Variants in CHAC2 observed in about 807,000 individuals in gnomAD.
CHAC2 encodes the protein ChaC glutathione specific gamma-glutamylcyclotransferase 2, also known as glutathione-specific gamma-glutamylcyclotransferase 2.
Under a neutral mutation model 16.9 loss-of-function variants are expected in CHAC2, and 20 were observed. The ratio of observed to expected loss-of-function variants is 1.18; its 90% CI spans 0.83 to 1.72. The LOEUF (loss-of-function observed/expected upper bound fraction) is 1.72, where lower values mean the gene tolerates loss of function less well. Ranked by LOEUF, CHAC2 falls within the 40% of genes most tolerant of loss-of-function variation. The pLI, the probability that CHAC2 is intolerant of heterozygous loss-of-function variation, is 0.00. For synonymous variants in CHAC2, 91 were observed against 77.3 expected (o/e 1.18, Z -0.93); for missense variants, 269 against 222.2 (o/e 1.21, Z -1.34).
intron 1 of CHAC2, 80 bp downstream of exon 1, chr2:53,768,101 G>C: frequency 6.5e-7 from 1 of 1,527,400 alleles, no homozygotes; most frequent in South Asian, 1.2e-5. Flanking sequence ...CCACACCCTA[G>C]AGAACCACAC....
Position 53,768,009 on chromosome 2 carries a change from G to T in CHAC2, c.123G>T (p.Gly41=). The T allele has an allele frequency of 1.2e-6, 2 of 1,613,560 alleles. No individual in the cohort carries two copies. Among genetic ancestry groups the T allele is most frequent in the African/African-American group, 2.7e-5 (2 of 75,018 alleles). The part of the protein sequence containing the change: ...RFWQGSTDHR[G]VPGKPGRVVT... ...GGCAGGGCAGCACGGACCACCGCGG[G>T]GTCCCCGGCAAGGTGAGGCGCCGGT... The change falls in exon 1 of 3, where the codon GGG becomes GGT. Residue 41 remains glycine, a synonymous_variant. Coordinates refer to ENST00000295304, the MANE Select transcript of CHAC2 (RefSeq NM_001008708.4).
chr2:53,767,943 C>G lies in CHAC2; in HGVS notation c.57C>G (p.Asp19Glu), dbSNP rs746353771. ...GGAAGGTGGATTTCCCCTATCAGGACAAGCTGGTCGGATACATCACCAACT... is the reference window on the plus strand; with the variant it reads ...GGAAGGTGGATTTCCCCTATCAGGAGAAGCTGGTCGGATACATCACCAACT... Reference protein sequence around the residue: ...LIWKVDFPYQDKLVGYITNYS... With the variant: ...LIWKVDFPYQEKLVGYITNYS... The change falls in exon 1 of 3, where the codon GAC (aspartate) becomes GAG (glutamate). Residue 19 changes from aspartate (D) to glutamate (E), a missense_variant. Physicochemically the swap from Asp to Glu is conservative, Grantham distance 45. Transcript: ENST00000295304. 3 of 1,614,126 alleles carry G rather than the reference C, an allele frequency of 1.9e-6. No individual in the cohort carries two copies. Among genetic ancestry groups the G allele is most frequent in the Non-Finnish European group, 2.5e-6 (3 of 1,179,982 alleles).
intron 2 of CHAC2, 49 bp from the exon 3 acceptor site, chr2:53,774,093 A>C: frequency 6.6e-7 from 1 of 1,515,124 alleles, no homozygotes; most frequent in Non-Finnish European, 8.9e-7. Flanking sequence ...TTCTTCACCT[A>C]TTTTAATTAG....
In CHAC2 at chr2:53,771,916, G is replaced by GT. The variant is rs781075919; in HGVS notation, c.147dup (p.Val50CysfsTer5). The GT allele has an allele frequency of 6.4e-7, 1 of 1,567,330 alleles. No homozygotes were observed. The highest frequency in any genetic ancestry group is 1.4e-5 in the African/African-American group (1 of 73,036). ...TACCTTTTTAAAACAGCCTGGAAGA[G>GT]TTGTGACTCTTGTTGAAGATCCTGC... On this transcript the variant is annotated frameshift_variant, in exon 2 of 3. Transcript: ENST00000295304. LOFTEE classifies it high-confidence loss of function.
chr2:53,770,150 G>C (rs1342734232), intron 1 of CHAC2, among the ~76,000 whole-genome samples: 2 of 151,980 alleles, frequency 1.3e-5, no homozygotes, highest in Non-Finnish European at 2.9e-5. Context: ...AAGAAAACAA[G>C]TCAGAAATCT....
At chr2:53,769,408 T>C (rs1178127445) in intron 1 of CHAC2, among the ~76,000 whole-genome samples, 7 of 152,262 alleles carry the variant, frequency 4.6e-5, no homozygotes, top group African/African-American at 1.4e-4. Context: ...TAAATATTTA[T>C]GTATGTGGCT....
chr2:53,767,884 A>C lies in CHAC2; in HGVS notation c.-3A>C. On this transcript the variant is annotated 5_prime_UTR_variant, in exon 1 of 3. Coordinates refer to ENST00000295304, the MANE Select transcript of CHAC2 (RefSeq NM_001008708.4). ...GCCACTGGGGCAGAGGAGCCGCGAG[A>C]AGATGTGGGTTTTTGGTTACGGGTC... 6.2e-7 allele frequency: 1 copy of C among 1,608,064 alleles called. No homozygotes were observed. The highest frequency in any genetic ancestry group is 8.5e-7 in the Non-Finnish European group (1 of 1,177,394).
intron 1 of CHAC2, among the ~76,000 whole-genome samples, chr2:53,771,361 A>T (rs1673893132): frequency 6.6e-6 from 1 of 152,072 alleles, no homozygotes; most frequent in South Asian, 2.1e-4. Context: ...AAAAATACAA[A>T]AATTAGCTGG....
chr2:53,771,826 A>G (rs1673934023), intron 1 of CHAC2, 81 bp from the exon 2 acceptor site: 2 of 775,280 alleles, frequency 2.6e-6, no homozygotes, highest in South Asian at 1.5e-5. Context: ...CAAATATTCC[A>G]TGTCAAAAAT....
At chr2:53,774,105 C>T (rs1234790509) in intron 2 of CHAC2, 37 bp from the exon 3 acceptor site, 6 of 1,538,258 alleles carry the variant, frequency 3.9e-6, no homozygotes, top group Non-Finnish European at 4.4e-6. Context: ...TTTAATTAGC[C>T]TTATAATACC....
chr2:53,768,057 C>G, intron 1 of CHAC2, 36 bp downstream of exon 1: 1 of 1,607,300 alleles, frequency 6.2e-7, no homozygotes, highest in Non-Finnish European at 8.5e-7. Context: ...CTTACTGCCC[C>G]CTGACCCCTG....
intron 1 of CHAC2, among the ~76,000 whole-genome samples, chr2:53,770,788 T>C (rs975872455): frequency 6.6e-6 from 1 of 152,210 alleles, no homozygotes; most frequent in African/African-American, 2.4e-5. Context: ...ACACAAGTGG[T>C]CTGATTGTCC....
chr2:53,770,448 A>G (rs907677521), intron 1 of CHAC2, among the ~76,000 whole-genome samples: 1 of 149,154 alleles, frequency 6.7e-6, no homozygotes, highest in African/African-American at 2.5e-5. Context: ...GAATGATGTT[A>G]AGGTATCAGT....
At chr2:53,770,436 A>G (rs1310058624) in intron 1 of CHAC2, among the ~76,000 whole-genome samples, 8 of 150,182 alleles carry the variant, frequency 5.3e-5, no homozygotes, top group Non-Finnish European at 7.4e-5. Context: ...CAGCATTCCC[A>G]TGAATGATGT....
intron 1 of CHAC2, among the ~76,000 whole-genome samples, chr2:53,770,988 C>G (rs1375401158): frequency 6.6e-6 from 1 of 152,152 alleles, no homozygotes; most frequent in Non-Finnish European, 1.5e-5. Context: ...CTTAATATCC[C>G]CTGGTAGCAG....
Position 53,767,820 on chromosome 2 carries a change from C to T in CHAC2, c.-67C>T. 2 of 1,542,812 alleles carry T rather than the reference C, an allele frequency of 1.3e-6. No homozygotes were observed. Among genetic ancestry groups the T allele is most frequent in the Non-Finnish European group, 1.8e-6 (2 of 1,139,882 alleles). On this transcript the variant is annotated 5_prime_UTR_variant, in exon 1 of 3. Coordinates refer to ENST00000295304, the MANE Select transcript of CHAC2 (RefSeq NM_001008708.4). The stretch of plus-strand genomic sequence containing the variant: ...CGGCCGGTTACTCGCTTACCGGAGG[C>T]TTCAGTCCCCGGCGGCGCGGCGACA...
chr2:53,772,300 A>G (rs373304166), intron 2 of CHAC2, among the ~76,000 whole-genome samples: 40 of 152,054 alleles, frequency 2.6e-4, no homozygotes, highest in East Asian at 1.4e-3. Context: ...TCAGCCTCCC[A>G]AGTAGCTGGG....
rs1030259785 is a variant in CHAC2, at chr2:53,775,180, C to T, written c.*655C>T. ...TCACTAAAGCATAAATTACATTATACAAATCATGATCACTAATGATGTAGT... is the reference window on the plus strand; with the variant it reads ...TCACTAAAGCATAAATTACATTATATAAATCATGATCACTAATGATGTAGT... On this transcript the variant is annotated 3_prime_UTR_variant, in exon 3 of 3. Transcript: ENST00000295304. The T allele has an allele frequency of 3.9e-5, 6 of 152,458 alleles. No homozygotes were observed. The highest frequency in any genetic ancestry group is 1.4e-4 in the African/African-American group (6 of 41,382). The allele number at this position is 152,458 out of a possible 1,614,324, so 9.4% of individuals were successfully genotyped here.
intron 1 of CHAC2, among the ~76,000 whole-genome samples, chr2:53,770,815 G>A (rs764683138): frequency 5.9e-5 from 9 of 152,136 alleles, no homozygotes; most frequent in African/African-American, 2.2e-4. Flanking sequence ...AGAACTACAC[G>A]AATAGGCCAG....
Sources: gnomAD v4.1 joint callset for allele counts (sites outside exome capture counted in the v4.1 genomes callset) on GRCh38, gnomAD v4.1.1 for gene constraint, MANE v1.5 for transcripts, NCBI Gene and HGNC (gene_info 2026-07-23, HGNC 2026-07-21) for gene names.